The following TASP1 variants were observed in gnomAD, a reference collection of about 807,000 sequenced individuals.
TASP1 encodes taspase 1, also known as threonine aspartase 1.
Under a neutral mutation model 56.6 loss-of-function variants are expected in TASP1, and 16 were observed. The observed-to-expected ratio is 0.28, with a 90% confidence interval of 0.19 to 0.43. The LOEUF is 0.43. TASP1 is among the 20% of genes least tolerant of loss of function. The pLI, the probability that TASP1 is intolerant of heterozygous loss-of-function variation, is 1.00. For synonymous variants in TASP1, 179 were observed against 184.2 expected, an observed-to-expected ratio of 0.97 and a Z score of 0.23; for missense variants, 393 against 511.6, an observed-to-expected ratio of 0.77 and a Z score of 2.24.
chr20:13,153,871 C>A, the TASP1 span: 1 of 1,202,508 alleles, frequency 8.3e-7, no homozygotes. Context: ...AGATATCTCC[C>A]TTCCCTACTT....
intron 4 of TASP1, among the ~76,000 whole-genome samples, chr20:13,591,360 T>A: frequency 6.6e-6 from 1 of 151,892 alleles, no homozygotes; most frequent in Non-Finnish European, 1.5e-5. Context: ...AAAAGACACA[T>A]GTGAAAATGA....
chr20:13,607,974 CA>C (rs895983381), intron 4 of TASP1, among the ~76,000 whole-genome samples: 2 of 148,778 alleles, frequency 1.3e-5, no homozygotes, highest in African/African-American at 4.9e-5. Flanking sequence ...GACTCTGTCT[CA>C]AAAAAAAAGA....
intron 11 of TASP1, among the ~76,000 whole-genome samples, chr20:13,448,164 G>A (rs2043481230): frequency 6.6e-6 from 1 of 152,084 alleles, no homozygotes; most frequent in Non-Finnish European, 1.5e-5. Flanking sequence ...AGACTACAGT[G>A]AAGATCTTGT....
chr20:13,161,607 G>A, the TASP1 span, among the ~76,000 whole-genome samples: 1,374 of 152,260 alleles, frequency 9.0e-3, 9 homozygotes, highest in Non-Finnish European at 0.016. Context: ...CCATACAGAG[G>A]AGAAAGTTTC....
At chr20:13,405,311 G>A (rs1252938615) in intron 13 of TASP1, among the ~76,000 whole-genome samples, 12 of 152,190 alleles carry the variant, frequency 7.9e-5, no homozygotes, top group Non-Finnish European at 4.4e-5. Context: ...AAGCAGTTAG[G>A]TAAGCTTGTG....
At chr20:13,179,762 C>T in the TASP1 span, among the ~76,000 whole-genome samples, 3 of 152,180 alleles carry the variant, frequency 2.0e-5, no homozygotes, top group Non-Finnish European at 4.4e-5. Flanking sequence ...TTATCCTCCA[C>T]AGCTGTTTAC....
chr20:13,493,674 T>C (rs1040179512), intron 10 of TASP1, among the ~76,000 whole-genome samples: 1 of 152,188 alleles, frequency 6.6e-6, no homozygotes, highest in African/African-American at 2.4e-5. Flanking sequence ...AGCTTGCAGA[T>C]GGTCTATCCT....
intron 8 of TASP1, among the ~76,000 whole-genome samples, chr20:13,542,266 C>T (rs979375670): frequency 1.3e-5 from 2 of 151,942 alleles, no homozygotes; most frequent in Non-Finnish European, 2.9e-5. Context: ...AGTGTTAAGA[C>T]AGAAAGCATT....
the TASP1 span, among the ~76,000 whole-genome samples, chr20:13,170,373 G>A: frequency 6.6e-6 from 1 of 152,092 alleles, no homozygotes; most frequent in Non-Finnish European, 1.5e-5. Flanking sequence ...AAGAATAAGG[G>A]AACAAGTGAA....
chr20:13,354,988 C>T, the TASP1 span, among the ~76,000 whole-genome samples: 234 of 152,064 alleles, frequency 1.5e-3, no homozygotes, highest in African/African-American at 5.4e-3. Context: ...TAAAATAAAC[C>T]ATGTTTATCA....
At chr20:13,147,462 G>A in the TASP1 span, among the ~76,000 whole-genome samples, 5 of 152,120 alleles carry the variant, frequency 3.3e-5, no homozygotes, top group African/African-American at 1.2e-4. Flanking sequence ...AACAGACGCT[G>A]GCTTCCTGCT....
chr20:13,220,342 A>G, the TASP1 span, among the ~76,000 whole-genome samples: 1 of 152,192 alleles, frequency 6.6e-6, no homozygotes. Flanking sequence ...CCGCGCCCTC[A>G]GCCGGATCCC....
At chr20:13,540,390 A>G (rs189268384) in intron 8 of TASP1, among the ~76,000 whole-genome samples, 1 of 152,380 alleles carries the variant, frequency 6.6e-6, no homozygotes, top group East Asian at 1.9e-4. Flanking sequence ...GAAATTCTTA[A>G]GTATTTACCA....
intron 6 of TASP1, among the ~76,000 whole-genome samples, chr20:13,573,636 T>C (rs908268051): frequency 2.0e-5 from 3 of 152,204 alleles, no homozygotes; most frequent in African/African-American, 4.8e-5. Context: ...ATTTCTATTA[T>C]AATCTAGAAA....
At chr20:13,117,632 G>A in the TASP1 span, 2 of 1,614,116 alleles carry the variant, frequency 1.2e-6, no homozygotes, top group Admixed American at 1.7e-5. Flanking sequence ...GTGTCACGGA[G>A]TTCTTTGGAC....
At chr20:13,270,859 T>G in the TASP1 span, 1 of 945,510 alleles carries the variant, frequency 1.1e-6, no homozygotes, top group South Asian at 1.6e-5. Flanking sequence ...CCTTAATGAT[T>G]CCTGCTTAAG....
At chr20:13,159,447 G>T in the TASP1 span, among the ~76,000 whole-genome samples, 1 of 152,034 alleles carries the variant, frequency 6.6e-6, no homozygotes, top group African/African-American at 2.4e-5. Context: ...AATCTTTGGC[G>T]CTGCAGTGGG....
chr20:13,127,177 C>T, the TASP1 span, among the ~76,000 whole-genome samples: 1 of 152,238 alleles, frequency 6.6e-6, no homozygotes, highest in Admixed American at 6.5e-5. Flanking sequence ...ACAAAACACA[C>T]ACAATAAGCT....
chr20:13,310,423 C>T, the TASP1 span, among the ~76,000 whole-genome samples: 2 of 151,992 alleles, frequency 1.3e-5, no homozygotes, highest in African/African-American at 4.8e-5. Context: ...TAATAGTCAA[C>T]TCAAAATGGA....
Sources: allele counts gnomAD v4.1 joint callset (sites outside exome capture counted in the v4.1 genomes callset), GRCh38; gene constraint gnomAD v4.1.1; transcripts MANE v1.5; gene names NCBI Gene and HGNC (gene_info 2026-07-23, HGNC 2026-07-21).